Variants in SEZ6L observed in about 807,000 individuals in gnomAD.
SEZ6L encodes the protein seizure 6-like protein.
A neutral mutation model predicts 106.2 loss-of-function variants in SEZ6L; 37 were observed. That is an observed-to-expected ratio of 0.35 (90% CI 0.27 to 0.46). SEZ6L has a LOEUF of 0.46. Ranked by LOEUF, SEZ6L falls within the 20% of genes least tolerant of loss-of-function variation. The pLI, the probability that SEZ6L is intolerant of heterozygous loss-of-function variation, is 1.00. For synonymous variants in SEZ6L, 541 were observed against 570.4 expected (o/e 0.95, Z 0.73); for missense variants, 1,172 against 1,332.8 (o/e 0.88, Z 1.88).
intron 9 of SEZ6L, among the ~76,000 whole-genome samples, chr22:26,330,056 C>T (rs1328308451): frequency 2.6e-5 from 4 of 152,240 alleles, no homozygotes; most frequent in Admixed American, 6.5e-5. Flanking sequence ...TCAGTTTCCT[C>T]ATCTGGAAAA....
chr22:26,301,053 A>G (rs1290592325), intron 5 of SEZ6L, among the ~76,000 whole-genome samples: 2 of 152,212 alleles, frequency 1.3e-5, no homozygotes, highest in African/African-American at 4.8e-5. Flanking sequence ...TGTGTTGCAC[A>G]CCGTGCCAGA....
chr22:26,376,692 T>G (rs2084237068), intron 15 of SEZ6L, among the ~76,000 whole-genome samples: 1 of 152,066 alleles, frequency 6.6e-6, no homozygotes, highest in Non-Finnish European at 1.5e-5. Flanking sequence ...GAGGTTGCAG[T>G]GAGCCAAGAT....
intron 9 of SEZ6L, among the ~76,000 whole-genome samples, chr22:26,314,193 T>A (rs1013127749): frequency 2.0e-5 from 3 of 152,102 alleles, no homozygotes; most frequent in Admixed American, 6.5e-5. Context: ...AATAATTGCA[T>A]ACTCTAACTT....
At chr22:26,316,433 G>A (rs1376805859) in intron 9 of SEZ6L, among the ~76,000 whole-genome samples, 1 of 152,218 alleles carries the variant, frequency 6.6e-6, no homozygotes, top group Non-Finnish European at 1.5e-5. Flanking sequence ...GAAAGGAGCA[G>A]TGACAGGCAG....
At chr22:26,203,260 A>G (rs1207425534) in intron 1 of SEZ6L, among the ~76,000 whole-genome samples, 1 of 152,142 alleles carries the variant, frequency 6.6e-6, no homozygotes, top group Non-Finnish European at 1.5e-5. Flanking sequence ...TGTGCCATGC[A>G]CCTTTGACTG....
intron 1 of SEZ6L, among the ~76,000 whole-genome samples, chr22:26,172,593 G>T (rs1357898127): frequency 1.5e-4 from 23 of 152,160 alleles, no homozygotes; most frequent in Non-Finnish European, 1.5e-5. Context: ...GGCGCTCCAA[G>T]ATCTAGCTGG....
At chr22:26,231,454 G>C (rs1420275401) in intron 1 of SEZ6L, among the ~76,000 whole-genome samples, 1 of 152,134 alleles carries the variant, frequency 6.6e-6, no homozygotes. Flanking sequence ...TCCTACCTCA[G>C]CTTGATTCTC....
intron 1 of SEZ6L, among the ~76,000 whole-genome samples, chr22:26,195,483 A>T (rs1018337060): frequency 6.6e-6 from 1 of 152,212 alleles, no homozygotes; most frequent in Non-Finnish European, 1.5e-5. Flanking sequence ...ATTAAATGAG[A>T]TCATAATATG....
At chr22:26,214,631 G>T (rs2078248985) in intron 1 of SEZ6L, among the ~76,000 whole-genome samples, 1 of 152,148 alleles carries the variant, frequency 6.6e-6, no homozygotes, top group Admixed American at 6.5e-5. Context: ...CCAGAGAAAA[G>T]GTGTGAACAG....
rs747361013 is a variant in SEZ6L at position 26,365,373 on chromosome 22, G to C, written c.2601G>C (p.Ser867=). 4 of 1,600,514 alleles carry C rather than the reference G, an allele frequency of 2.5e-6. No individual in the cohort carries two copies. The change falls in exon 13 of 17, where the codon TCG becomes TCC. Residue 867 remains serine (S), a splice_region_variant and synonymous_variant. Coordinates refer to ENST00000248933, the MANE Select transcript of SEZ6L (RefSeq NM_021115.5). ...IWTSRLPHCV[S]EESLACDNPG... Reference sequence around the variant, plus strand: ...AGCTCCTTCTGGCTTGCATTTCAGCGGAGGAGTCCCTGGCATGTGACAACC... The same window carrying C: ...AGCTCCTTCTGGCTTGCATTTCAGCCGAGGAGTCCCTGGCATGTGACAACC...
intron 9 of SEZ6L, among the ~76,000 whole-genome samples, chr22:26,329,226 G>A (rs1391075268): frequency 2.0e-5 from 3 of 152,164 alleles, no homozygotes; most frequent in Non-Finnish European, 4.4e-5. Context: ...CCAGCACTCT[G>A]GGAGGCCAAG....
intron 1 of SEZ6L, among the ~76,000 whole-genome samples, chr22:26,198,353 A>G (rs1423714008): frequency 3.3e-5 from 5 of 152,220 alleles, no homozygotes; most frequent in African/African-American, 1.2e-4. Flanking sequence ...ATAAATGTTG[A>G]TTGTCACTGA....
At chr22:26,195,574 T>A (rs550977298) in intron 1 of SEZ6L, among the ~76,000 whole-genome samples, 1 of 152,234 alleles carries the variant, frequency 6.6e-6, no homozygotes, top group East Asian at 1.9e-4. Flanking sequence ...TTTATTCACT[T>A]ATTTAGCAAA....
intron 1 of SEZ6L, among the ~76,000 whole-genome samples, chr22:26,182,544 G>T (rs1435367338): frequency 1.3e-5 from 2 of 152,006 alleles, no homozygotes; most frequent in African/African-American, 4.8e-5. Context: ...CACAAATTAG[G>T]TACCCAATAT....
chr22:26,284,525 G>A (rs1024748124), intron 1 of SEZ6L, among the ~76,000 whole-genome samples: 1 of 140,936 alleles, frequency 7.1e-6, no homozygotes, highest in African/African-American at 2.6e-5. Context: ...TGGGAGGATC[G>A]CTTTAACCCA....
intron 12 of SEZ6L, among the ~76,000 whole-genome samples, chr22:26,357,013 G>T (rs551609556): frequency 6.6e-6 from 1 of 151,134 alleles, no homozygotes; most frequent in African/African-American, 2.4e-5. Flanking sequence ...GTGCAGTGGC[G>T]CAATCTTAGC....
intron 12 of SEZ6L, among the ~76,000 whole-genome samples, chr22:26,361,343 C>CAAAAAAAAAAAAAAAAAA (rs150251826): frequency 2.2e-5 from 3 of 133,394 alleles, no homozygotes; most frequent in African/African-American, 8.2e-5. Flanking sequence ...ACTAAAAATA[C>CAAAAAAAAAAAAAAAAAA]AAAAACAAAA....
intron 1 of SEZ6L, among the ~76,000 whole-genome samples, chr22:26,217,594 G>C (rs139002595): frequency 1.3e-5 from 2 of 152,160 alleles, no homozygotes; most frequent in Admixed American, 6.5e-5. Context: ...TATTTAATTA[G>C]GTAATGTTAA....
At chr22:26,257,878 C>A (rs188742361) in intron 1 of SEZ6L, among the ~76,000 whole-genome samples, 211 of 152,264 alleles carry the variant, frequency 1.4e-3, no homozygotes, top group African/African-American at 4.9e-3. Flanking sequence ...ACATCTAAGA[C>A]CCTGATAGCA....
Sources: gnomAD v4.1 joint callset for allele counts (sites outside exome capture counted in the v4.1 genomes callset) on GRCh38, gnomAD v4.1.1 for gene constraint, MANE v1.5 for transcripts, NCBI Gene and HGNC (gene_info 2026-07-23, HGNC 2026-07-21) for gene names.